NLGN1: variants seen among roughly 807,000 people sequenced by gnomAD.
The protein encoded by NLGN1 is neuroligin 1.
NLGN1 carries 12 observed loss-of-function variants against 65.5 expected under a neutral mutation model. The observed-to-expected ratio is 0.18, with a 90% confidence interval of 0.12 to 0.30. The LOEUF (loss-of-function observed/expected upper bound fraction) is 0.30, where lower values mean the gene tolerates loss of function less well. NLGN1 is among the 10% of genes least tolerant of loss of function. The pLI, the probability that NLGN1 is intolerant of heterozygous loss-of-function variation, is 1.00. For synonymous variants in NLGN1, 350 were observed against 359.5 expected (o/e 0.97, Z 0.30); for missense variants, 750 against 1,007.1 (o/e 0.74, Z 3.46).
intron 4 of NLGN1, among the ~76,000 whole-genome samples, chr3:174,244,147 T>C (rs1347277904): frequency 6.6e-6 from 1 of 152,238 alleles, no homozygotes; most frequent in Non-Finnish European, 1.5e-5. Flanking sequence ...ATTCAGCTAA[T>C]GGCTAAAGAA....
At chr3:173,730,959 A>T (rs1264401857) in intron 3 of NLGN1, among the ~76,000 whole-genome samples, 1 of 152,072 alleles carries the variant, frequency 6.6e-6, no homozygotes, top group East Asian at 1.9e-4. Context: ...AATCTGGGCA[A>T]GGCTTCAAAG....
chr3:173,539,657 G>GTATATATGTACATATATACATATA (rs1362050556), intron 2 of NLGN1, among the ~76,000 whole-genome samples: 3 of 124,274 alleles, frequency 2.4e-5, no homozygotes, highest in Non-Finnish European at 4.8e-5. Context: ...TATAACATAT[G>GTATATATGTACATATATACATATA]TGTATATATG....
chr3:173,592,275 A>C (rs1207185784), intron 2 of NLGN1, among the ~76,000 whole-genome samples: 1 of 152,210 alleles, frequency 6.6e-6, no homozygotes, highest in African/African-American at 2.4e-5. Context: ...CCTCCTCTTC[A>C]GAATAACAAA....
At chr3:174,183,778 A>G (rs899553720) in intron 4 of NLGN1, among the ~76,000 whole-genome samples, 1 of 152,196 alleles carries the variant, frequency 6.6e-6, no homozygotes, top group Non-Finnish European at 1.5e-5. Flanking sequence ...TAGACAAGAC[A>G]GGAAAGTGTG....
At chr3:174,255,338 A>C (rs1745488247) in intron 4 of NLGN1, among the ~76,000 whole-genome samples, 1 of 149,412 alleles carries the variant, frequency 6.7e-6, no homozygotes, top group Non-Finnish European at 1.5e-5. Flanking sequence ...CAGGAGGCTG[A>C]GGCAGGAGAA....
At chr3:173,781,149 A>AAAAAAAAAAAAAAAAC (rs1781088515) in intron 3 of NLGN1, among the ~76,000 whole-genome samples, 25 of 150,608 alleles carry the variant, frequency 1.7e-4, no homozygotes, top group Admixed American at 1.5e-3. Flanking sequence ...CGTCTCAAAA[A>AAAAAAAAAAAAAAAAC]AAAAAAAGTA....
At chr3:173,436,435 T>C (rs529930441) in intron 2 of NLGN1, among the ~76,000 whole-genome samples, 1 of 152,306 alleles carries the variant, frequency 6.6e-6, no homozygotes, top group African/African-American at 2.4e-5. Context: ...ACTCTTAATT[T>C]CCTACCACTC....
At chr3:174,022,707 A>AT (rs34214381) in intron 4 of NLGN1, among the ~76,000 whole-genome samples, 39,866 of 151,490 alleles carry the variant, frequency 0.26, 6,154 homozygotes, top group African/African-American at 0.43. Flanking sequence ...GTGGCTCTAG[A>AT]TTTTTTTTTC....
At chr3:173,527,662 G>T (rs1735885027) in intron 2 of NLGN1, among the ~76,000 whole-genome samples, 1 of 152,188 alleles carries the variant, frequency 6.6e-6, no homozygotes, top group Non-Finnish European at 1.5e-5. Flanking sequence ...CTCCCAAAGT[G>T]CTGGGATTAC....
At chr3:173,465,977 T>C (rs992124745) in intron 2 of NLGN1, among the ~76,000 whole-genome samples, 2 of 152,106 alleles carry the variant, frequency 1.3e-5, no homozygotes, top group African/African-American at 4.8e-5. Flanking sequence ...AACATGAGAA[T>C]AGAAATGTGA....
intron 2 of NLGN1, among the ~76,000 whole-genome samples, chr3:173,490,495 A>G (rs1477855724): frequency 6.6e-6 from 1 of 152,140 alleles, no homozygotes; most frequent in Non-Finnish European, 1.5e-5. Flanking sequence ...TGGTTACTGT[A>G]GCCTTGTAGT....
At chr3:174,178,146 T>C (rs1729777461) in intron 4 of NLGN1, among the ~76,000 whole-genome samples, 1 of 152,064 alleles carries the variant, frequency 6.6e-6, no homozygotes, top group South Asian at 2.1e-4. Flanking sequence ...GAAGAATAAG[T>C]GGGAAGGAAT....
At chr3:173,568,033 T>A (rs1272891297) in intron 2 of NLGN1, among the ~76,000 whole-genome samples, 1 of 152,196 alleles carries the variant, frequency 6.6e-6, no homozygotes, top group Non-Finnish European at 1.5e-5. Context: ...ATGTATACAT[T>A]GTGCAATGAC....
chr3:173,401,001 TG>T (rs146849696), intron 1 of NLGN1, among the ~76,000 whole-genome samples: 5,763 of 152,302 alleles, frequency 0.038, 215 homozygotes, highest in African/African-American at 0.095. Flanking sequence ...TTTCTTCTCA[TG>T]GGCACAAGGT....
chr3:173,415,915 A>AGG (rs1713643413), intron 1 of NLGN1, among the ~76,000 whole-genome samples: 1 of 138,064 alleles, frequency 7.2e-6, no homozygotes, highest in African/African-American at 3.3e-5. Flanking sequence ...AGAGAGAGAG[A>AGG]GAGGGAGAGA....
At chr3:173,843,894 C>T (rs1241081451) in intron 4 of NLGN1, among the ~76,000 whole-genome samples, 1 of 152,186 alleles carries the variant, frequency 6.6e-6, no homozygotes, top group African/African-American at 2.4e-5. Flanking sequence ...TATCACATTA[C>T]TGTATTAGTC....
chr3:173,584,045 A>C (rs1169543403), intron 2 of NLGN1, among the ~76,000 whole-genome samples: 1 of 151,594 alleles, frequency 6.6e-6, no homozygotes, highest in Non-Finnish European at 1.5e-5. Context: ...TTTAGCTACT[A>C]ACTGCCATTG....
intron 2 of NLGN1, among the ~76,000 whole-genome samples, chr3:173,602,729 T>C (rs1429744826): frequency 6.6e-6 from 1 of 152,036 alleles, no homozygotes; most frequent in Non-Finnish European, 1.5e-5. Flanking sequence ...CTGAGTTAGG[T>C]GTCAAAACAG....
intron 4 of NLGN1, among the ~76,000 whole-genome samples, chr3:174,012,177 T>G (rs1725691394): frequency 6.6e-6 from 1 of 152,154 alleles, no homozygotes; most frequent in South Asian, 2.1e-4. Context: ...GGAATGGCCC[T>G]GCACAGGCCT....
Sources: gnomAD v4.1 joint callset for allele counts (sites outside exome capture counted in the v4.1 genomes callset) on GRCh38, gnomAD v4.1.1 for gene constraint, MANE v1.5 for transcripts, NCBI Gene and HGNC (gene_info 2026-07-23, HGNC 2026-07-21) for gene names.